Variants in MOK observed in about 807,000 individuals in gnomAD.
MOK encodes the protein MAPK/MAK/MRK overlapping kinase.
A neutral mutation model predicts 54.2 loss-of-function variants in MOK; 59 were observed. That is an observed-to-expected ratio of 1.09 (90% CI 0.88 to 1.35). The LOEUF (loss-of-function observed/expected upper bound fraction) is 1.35. Among genes scored for constraint, MOK ranks in the 40% most tolerant of loss-of-function variants. The pLI is 0.00. For synonymous variants in MOK, 210 were observed against 202.7 expected (o/e 1.04, Z -0.31); for missense variants, 517 against 526.2 (o/e 0.98, Z 0.17).
chr14:102,237,992 A>G (rs2065372242), intron 7 of MOK: 1 of 152,194 alleles, frequency 6.6e-6, no homozygotes, highest in African/African-American at 2.4e-5. Flanking sequence ...GGTCTTGCCA[A>G]AAGTGCTCCC....
At position 102,257,264 on chromosome 14, in the gene MOK, G is replaced by T. The variant is rs534960929; in HGVS notation, c.284-5269C>A. On this transcript the variant is annotated intron_variant, in intron 4 of 11. Coordinates refer to ENST00000361847, the MANE Select transcript of MOK (RefSeq NM_014226.3). ...AGGAGGGAAGGCATCTATTCTGACG[G>T]CATGGATCACGGCTGCCTCCTGATC... Among the ~76,000 whole-genome samples the T allele has an allele frequency of 2.0e-5, 3 of 152,134 alleles. No homozygotes were observed. The East Asian group carries it at 5.8e-4, about 29-fold the overall frequency.
intron 2 of MOK, among the ~76,000 whole-genome samples, chr14:102,272,562 CAT>C (rs2068466248): frequency 6.6e-6 from 1 of 151,892 alleles, no homozygotes; most frequent in Non-Finnish European, 1.5e-5. Flanking sequence ...TAAAACTGAT[CAT>C]ATGTTATGAC....
intron 1 of MOK, among the ~76,000 whole-genome samples, chr14:102,299,954 C>T (rs1410468766): frequency 1.3e-5 from 2 of 152,168 alleles, no homozygotes; most frequent in Non-Finnish European, 2.9e-5. Context: ...CACAGTGGCT[C>T]ATGCCTATAA....
chr14:102,265,940 C>A, intron 2 of MOK, 28 bp from the exon 3 acceptor site: 1 of 1,530,402 alleles, frequency 6.5e-7, no homozygotes, highest in South Asian at 1.1e-5. Context: ...ATGGATAGCT[C>A]ATTCACAGTT....
chr14:102,229,236 G>A lies in MOK; in HGVS notation c.*53C>T. 6.6e-7 allele frequency: 1 copy of A among 1,515,332 alleles called. No individual in the cohort carries two copies. Among genetic ancestry groups the A allele is most frequent in the Non-Finnish European group, 8.9e-7 (1 of 1,119,392 alleles). 93.9% of individuals were successfully genotyped at this position (1,515,332 alleles called of 1,614,324 possible). On this transcript the variant is annotated 3_prime_UTR_variant, in exon 12 of 12. Transcript: ENST00000361847. ...TCTCAGCAGCAGATCACCCAGGCCT[G>A]GCCCGGTCGGGCTTGGTGTTGCCTC...
At chr14:102,267,888 A>G (rs2068041933) in intron 2 of MOK, among the ~76,000 whole-genome samples, 1 of 152,056 alleles carries the variant, frequency 6.6e-6, no homozygotes, top group Non-Finnish European at 1.5e-5. Flanking sequence ...CGAGACTCAG[A>G]AGGGTCAGGA....
chr14:102,257,880 G>A (rs941350961), intron 4 of MOK, among the ~76,000 whole-genome samples: 2 of 151,868 alleles, frequency 1.3e-5, no homozygotes, highest in African/African-American at 2.4e-5. Flanking sequence ...GGGAGCCTGA[G>A]GCAGGAGAAT....
intron 1 of MOK, among the ~76,000 whole-genome samples, chr14:102,287,456 A>G (rs2070256862): frequency 6.6e-6 from 1 of 152,224 alleles, no homozygotes; most frequent in Admixed American, 6.5e-5. Flanking sequence ...AAATATAAAA[A>G]TTAGCTGAGC....
rs186474291 is a variant in MOK at position 102,249,555 on chromosome 14, C to T, written c.590+1257G>A. 2.6e-3 allele frequency among the ~76,000 whole-genome samples: 400 copies of T among 152,034 alleles called. 4 individuals are homozygous for T. Among genetic ancestry groups the T allele is most frequent in the African/African-American group, 9.1e-3 (376 of 41,476 alleles). On this transcript the variant is annotated intron_variant, in intron 7 of 11. Coordinates refer to ENST00000361847, the MANE Select transcript of MOK (RefSeq NM_014226.3). The surrounding 1 kb of genome is among the most constrained non-coding windows in gnomAD (Gnocchi z 5.3). ...AGAAACCCCGTCTCTACTAAAAATA[C>T]AAAATTAGCCGGGCGTGGTGGTGCA...
At chr14:102,253,659 G>A (rs183744427) in intron 4 of MOK, among the ~76,000 whole-genome samples, 16 of 152,320 alleles carry the variant, frequency 1.1e-4, no homozygotes, top group South Asian at 1.0e-3. Flanking sequence ...CTTGGTGCCC[G>A]CAGCTTTCTA....
At chr14:102,222,785 C>T (rs2064066841), downstream of MOK, 1 of 1,612,378 alleles carries the variant, frequency 6.2e-7, no homozygotes, top group Admixed American at 1.7e-5. This position sits in a 1 kb window ranked among gnomAD's most constrained non-coding sequence, Gnocchi z 4.4. Flanking sequence ...TGGCTGTTGC[C>T]CGTCCGGTGT....
At chr14:102,225,894 T>C (rs1364517985), downstream of MOK, 1 of 187,552 alleles carries the variant, frequency 5.3e-6, no homozygotes, top group Non-Finnish European at 1.1e-5. Context: ...TGGTACGATT[T>C]GGGTTTGCTC....
chr14:102,297,951 G>A (rs138050125), intron 1 of MOK, among the ~76,000 whole-genome samples: 219 of 152,292 alleles, frequency 1.4e-3, no homozygotes, highest in African/African-American at 5.0e-3. Context: ...CCTGCATCCC[G>A]CCATGCCTGA....
chr14:102,295,503 ACCAGTAG>A, intron 1 of MOK, among the ~76,000 whole-genome samples: 2 of 152,340 alleles, frequency 1.3e-5, no homozygotes, highest in South Asian at 4.1e-4. Context: ...ATGGGGCTTC[ACCAGTAG>A]AGGGAGGAAA....
intron 4 of MOK, among the ~76,000 whole-genome samples, chr14:102,254,980 C>G (rs567667732): frequency 2.0e-5 from 3 of 152,114 alleles, no homozygotes; most frequent in Non-Finnish European, 4.4e-5. Context: ...ACTTGGGAAA[C>G]GTGGAATCTT....
chr14:102,290,026 C>T (rs2070579470), intron 1 of MOK, among the ~76,000 whole-genome samples: 2 of 152,058 alleles, frequency 1.3e-5, no homozygotes, highest in African/African-American at 2.4e-5. Context: ...AACAGGTCTC[C>T]ACCCTATTTC....
At chr14:102,223,832 G>T (rs987802416), downstream of MOK, among the ~76,000 whole-genome samples, 2 of 152,074 alleles carry the variant, frequency 1.3e-5, no homozygotes, top group South Asian at 4.2e-4. Flanking sequence ...GCTCAGGAGG[G>T]CGTGGGCTCT....
intron 7 of MOK, 121 bp downstream of exon 7, chr14:102,250,691 C>G (rs1258811733): frequency 7.8e-6 from 8 of 1,029,838 alleles, no homozygotes; most frequent in African/African-American, 1.6e-5. Flanking sequence ...AAATTAAAAA[C>G]AGTAAAACAG....
chr14:102,278,902 A>G (rs1210293352), intron 2 of MOK, among the ~76,000 whole-genome samples: 2 of 152,270 alleles, frequency 1.3e-5, no homozygotes, highest in Non-Finnish European at 2.9e-5. Flanking sequence ...TGATTTACAT[A>G]GCAAGTTGCT....
Sources: allele counts gnomAD v4.1 joint callset (sites outside exome capture counted in the v4.1 genomes callset), GRCh38; gene constraint gnomAD v4.1.1; non-coding constraint Gnocchi (gnomAD v3.1); transcripts MANE v1.5; gene names NCBI Gene and HGNC (gene_info 2026-07-23, HGNC 2026-07-21).